The following SLC60A2 variants were observed in gnomAD, a reference collection of about 807,000 sequenced individuals.
SLC60A2 encodes solute carrier family 60 member 2.
chr6:111,269,653 A>G, the SLC60A2 span: 4 of 152,312 alleles, frequency 2.6e-5, no homozygotes, highest in East Asian at 1.9e-4. Context: ...CACCTTCAGC[A>G]TTTACTGTTA....
chr6:111,266,070 T>G, the SLC60A2 span: 2 of 1,614,196 alleles, frequency 1.2e-6, no homozygotes, highest in African/African-American at 2.7e-5. Context: ...TGATGCTGAC[T>G]CAGAAGCTCT....
At chr6:111,259,590 C>A in the SLC60A2 span, 1 of 1,226,340 alleles carries the variant, frequency 8.2e-7, no homozygotes, top group Non-Finnish European at 1.1e-6. Flanking sequence ...TGCGGGGCAG[C>A]GGCTCCTGCA....
the SLC60A2 span, among the ~76,000 whole-genome samples, chr6:111,279,644 T>C: frequency 1.3e-5 from 2 of 152,222 alleles, no homozygotes; most frequent in African/African-American, 4.8e-5. Flanking sequence ...ATTGCTGTTA[T>C]TTGAAGTCCT....
the SLC60A2 span, chr6:111,266,910 A>G: frequency 1.2e-6 from 2 of 1,614,086 alleles, no homozygotes; most frequent in Non-Finnish European, 8.5e-7. Context: ...AGAAAAATGG[A>G]ATGAAATGGA....
the SLC60A2 span, chr6:111,270,449 G>A: frequency 6.6e-6 from 1 of 152,174 alleles, no homozygotes; most frequent in Admixed American, 6.5e-5. Flanking sequence ...TCAGGAAGCT[G>A]GGGTGGAAGT....
the SLC60A2 span, among the ~76,000 whole-genome samples, chr6:111,274,413 A>G: frequency 6.6e-6 from 1 of 152,106 alleles, no homozygotes; most frequent in Non-Finnish European, 1.5e-5. Context: ...AGTTTTTTGC[A>G]GGCAGCATAC....
chr6:111,266,459 G>T, the SLC60A2 span: 112 of 1,614,216 alleles, frequency 6.9e-5, no homozygotes, highest in Non-Finnish European at 8.7e-5. Flanking sequence ...CCATGATTGT[G>T]TTGAGCAACA....
At chr6:111,264,957 G>A in the SLC60A2 span, among the ~76,000 whole-genome samples, 1 of 152,066 alleles carries the variant, frequency 6.6e-6, no homozygotes, top group Admixed American at 6.6e-5. Context: ...GCCAGGCATG[G>A]TGGCGCGTGC....
the SLC60A2 span, among the ~76,000 whole-genome samples, chr6:111,273,040 A>G: frequency 1.3e-5 from 2 of 152,196 alleles, no homozygotes; most frequent in Non-Finnish European, 2.9e-5. Context: ...CATGTCAGCC[A>G]GGCTGGTCTC....
chr6:111,278,814 T>A, the SLC60A2 span: 2 of 152,220 alleles, frequency 1.3e-5, no homozygotes, highest in Admixed American at 1.3e-4. Context: ...AAGTTCTTAG[T>A]CTTACTGAAG....
chr6:111,275,348 G>GGAAT, the SLC60A2 span, among the ~76,000 whole-genome samples: 1 of 151,994 alleles, frequency 6.6e-6, no homozygotes, highest in African/African-American at 2.4e-5. Flanking sequence ...GTGTCCTGGA[G>GGAAT]GAATGTTTTG....
chr6:111,261,758 T>C, the SLC60A2 span, among the ~76,000 whole-genome samples: 1 of 152,108 alleles, frequency 6.6e-6, no homozygotes, highest in Admixed American at 6.5e-5. Flanking sequence ...CATGCCCAGC[T>C]AATTTTTGTA....
the SLC60A2 span, among the ~76,000 whole-genome samples, chr6:111,271,797 A>AAAAAAAAAAAAAAAAAAT: frequency 9.3e-6 from 1 of 107,198 alleles, no homozygotes; most frequent in Non-Finnish European, 2.1e-5. Context: ...AAAAAAAAAA[A>AAAAAAAAAAAAAAAAAAT]AAAAAAAAAG....
chr6:111,276,323 T>G, the SLC60A2 span, among the ~76,000 whole-genome samples: 1 of 152,230 alleles, frequency 6.6e-6, no homozygotes, highest in East Asian at 1.9e-4. Context: ...GTAATTCTAT[T>G]TTTAATATTT....
the SLC60A2 span, chr6:111,259,609 C>A: frequency 7.1e-7 from 1 of 1,409,434 alleles, no homozygotes; most frequent in South Asian, 1.4e-5. Context: ...CAGGCGGAGG[C>A]CCCGGCGGAG....
the SLC60A2 span, among the ~76,000 whole-genome samples, chr6:111,262,871 C>T: frequency 6.6e-6 from 1 of 152,054 alleles, no homozygotes; most frequent in Non-Finnish European, 1.5e-5. Flanking sequence ...TTTGTTCCTG[C>T]TGCCCCATGT....
chr6:111,275,085 G>C, the SLC60A2 span, among the ~76,000 whole-genome samples: 17 of 117,854 alleles, frequency 1.4e-4, no homozygotes, highest in East Asian at 4.2e-3. Context: ...ACCTTACCTG[G>C]CTTTTTTTTT....
At chr6:111,274,848 T>C in the SLC60A2 span, among the ~76,000 whole-genome samples, 1 of 152,208 alleles carries the variant, frequency 6.6e-6, no homozygotes, top group Non-Finnish European at 1.5e-5. Context: ...ATTCTCTGTT[T>C]TTTGTGTTAT....
At chr6:111,265,241 T>TA in the SLC60A2 span, 5 of 946,224 alleles carry the variant, frequency 5.3e-6, no homozygotes, top group Non-Finnish European at 6.3e-6. Flanking sequence ...AGGGTAGAAT[T>TA]ATATATTTAT....
Sources: allele counts gnomAD v4.1 joint callset (sites outside exome capture counted in the v4.1 genomes callset), GRCh38; gene constraint gnomAD v4.1.1; transcripts MANE v1.5; gene names NCBI Gene and HGNC (gene_info 2026-07-23, HGNC 2026-07-21).